PUM1: variants seen among roughly 807,000 people sequenced by gnomAD.
PUM1 encodes the protein pumilio homolog 1.
PUM1 carries 13 observed loss-of-function variants against 131.8 expected under a neutral mutation model. The ratio of observed to expected loss-of-function variants is 0.10; its 90% CI spans 0.06 to 0.16. The LOEUF is 0.16. Among genes scored for constraint, PUM1 ranks in the 10% least tolerant of loss-of-function variants. The pLI is 1.00. For missense variants in PUM1, 961 were observed against 1,512.4 expected, an observed-to-expected ratio of 0.64 and a Z score of 6.05; for synonymous variants, 509 against 556.5, an observed-to-expected ratio of 0.91 and a Z score of 1.20.
intron 5 of PUM1, among the ~76,000 whole-genome samples, chr1:30,996,217 A>G (rs1641974728): frequency 6.6e-6 from 1 of 152,206 alleles, no homozygotes; most frequent in Non-Finnish European, 1.5e-5. Context: ...TTTCCCCACG[A>G]CTGACTCCTG....
At chr1:30,989,571 CAAAAAAAAAAAA>C (rs1174565063) in intron 7 of PUM1, among the ~76,000 whole-genome samples, 42 of 27,694 alleles carry the variant, frequency 1.5e-3, no homozygotes, top group South Asian at 9.8e-3. Context: ...GACTCCGTCT[CAAAAAAAAAAAA>C]AAAAAAAAAA....
chr1:31,028,972 C>T, intron 2 of PUM1, 108 bp from the exon 3 acceptor site: 1 of 855,850 alleles, frequency 1.2e-6, no homozygotes, highest in Admixed American at 1.8e-5. Flanking sequence ...CAGACATTGG[C>T]AAAGACAATA....
intron 15 of PUM1, among the ~76,000 whole-genome samples, chr1:30,952,685 GGGGGGGGGC>G (rs1639990290): frequency 2.6e-5 from 1 of 38,272 alleles, no homozygotes; most frequent in Admixed American, 2.0e-4. Flanking sequence ...GGGGGGGGCG[GGGGGGGGGC>G]GGGAGGGGCA....
At chr1:31,036,260 T>G (rs886965735) in intron 2 of PUM1, among the ~76,000 whole-genome samples, 5 of 152,054 alleles carry the variant, frequency 3.3e-5, no homozygotes, top group Non-Finnish European at 5.9e-5. Context: ...TTAGTAGAGA[T>G]GGGGTTTCAC....
chr1:31,028,966 C>A, intron 2 of PUM1, 102 bp from the exon 3 acceptor site: 1 of 918,384 alleles, frequency 1.1e-6, no homozygotes, highest in Admixed American at 1.8e-5. Flanking sequence ...TACTTTCAGA[C>A]ATTGGCAAAG....
chr1:31,065,651 C>A lies in PUM1; in HGVS notation c.-47G>T. The A allele has an allele frequency of 6.5e-7, 1 of 1,549,592 alleles. No homozygotes were observed. Among genetic ancestry groups the A allele is most frequent in the Non-Finnish European group, 8.7e-7 (1 of 1,146,828 alleles). On this transcript the variant is annotated 5_prime_UTR_variant, in exon 1 of 22. Transcript: ENST00000426105. The stretch of plus-strand genomic sequence containing the variant: ...GTAGGATGAAGATGGATTTCAGCCC[C>A]CCGATCTTCTCTCTCTGGCGCTCTC...
intron 5 of PUM1, 119 bp downstream of exon 5, chr1:31,005,734 T>G: frequency 2.1e-6 from 2 of 957,680 alleles, no homozygotes. Context: ...TACCCTGTAA[T>G]TAATGCTGTG....
At chr1:31,014,429 G>A (rs937455541) in intron 3 of PUM1, among the ~76,000 whole-genome samples, 1 of 151,800 alleles carries the variant, frequency 6.6e-6, no homozygotes, top group Admixed American at 6.6e-5. Flanking sequence ...AGGGTCACTT[G>A]AGGAGTTCAA....
At chr1:31,015,218 G>A (rs1232080249) in intron 3 of PUM1, among the ~76,000 whole-genome samples, 2 of 152,258 alleles carry the variant, frequency 1.3e-5, no homozygotes, top group East Asian at 1.9e-4. Context: ...ATATACTTTT[G>A]TTATGATTTT....
chr1:30,968,525 T>C, intron 10 of PUM1, 33 bp from the exon 11 acceptor site: 1 of 1,581,248 alleles, frequency 6.3e-7, no homozygotes, highest in South Asian at 1.2e-5. Flanking sequence ...ACTCAACCAC[T>C]TTCTTTTCAT....
chr1:31,054,499 G>A (rs1187096842), intron 2 of PUM1, among the ~76,000 whole-genome samples: 1 of 132,952 alleles, frequency 7.5e-6, no homozygotes, highest in Admixed American at 8.7e-5. Flanking sequence ...CTGCCAATTC[G>A]ATCTCAAACT....
At position 30,932,406 on chromosome 1, in the gene PUM1, T is replaced by C. The variant is rs571785198; in HGVS notation, c.*805A>G. On this transcript the variant is annotated 3_prime_UTR_variant, in exon 22 of 22. Transcript: ENST00000426105. ...GCAAGACCAAAAGCAGAGTTGGATT[T>C]TTTTTTCTCATGCTAAATAATCAGA... 1 of 152,176 alleles carries C rather than the reference T, an allele frequency of 6.6e-6. No individual in the cohort carries two copies. The highest frequency in any genetic ancestry group is 1.5e-5 in the Non-Finnish European group (1 of 67,984). The allele number at this position is 152,176 out of a possible 1,614,324, so 9.4% of individuals were successfully genotyped here.
At chr1:30,965,193 T>C (rs1640570566) in intron 13 of PUM1, among the ~76,000 whole-genome samples, 1 of 152,094 alleles carries the variant, frequency 6.6e-6, no homozygotes, top group Non-Finnish European at 1.5e-5. Context: ...ACATGAACTA[T>C]GGAAAAGGTG....
At chr1:31,007,163 C>A in intron 3 of PUM1, 61 bp from the exon 4 acceptor site, 1 of 1,286,322 alleles carries the variant, frequency 7.8e-7, no homozygotes, top group Non-Finnish European at 1.1e-6. Context: ...GTACAGCAGT[C>A]AACACTTTCT....
In PUM1 at chr1:31,007,011, C is replaced by A. The variant is rs772783920; in HGVS notation, c.524G>T (p.Ser175Ile). ...TAGATTACCTGATGTTCCCCAGGCA[C>A]TGTCTCGCCATTGATCACCCAGGAA... ...GIFLGDQWRD[S>I]AWGTSDHSVS... Residue 175 changes from serine (S) to isoleucine (I), a missense_variant, in exon 4 of 22, where the codon AGT (serine) becomes ATT (isoleucine). Ser to Ile is a moderately radical substitution (Grantham distance 142). Around this residue, in one of 4 missense-constraint regions of PUM1, gnomAD observed 654 missense variants for 923.9 expected, o/e 0.71. Coordinates refer to ENST00000426105, the MANE Select transcript of PUM1 (RefSeq NM_001020658.2). 1 of 1,613,610 alleles carries A rather than the reference C, an allele frequency of 6.2e-7. No individual in the cohort carries two copies.
intron 3 of PUM1, among the ~76,000 whole-genome samples, chr1:31,013,756 T>C (rs1642706832): frequency 1.3e-5 from 1 of 79,236 alleles, no homozygotes; most frequent in South Asian, 3.6e-4. Flanking sequence ...TCACAGGTGG[T>C]AGTCTTACTT....
At chr1:30,941,377 A>T (rs1041555065) in intron 19 of PUM1, 105 bp from the exon 20 acceptor site, 19 of 1,225,682 alleles carry the variant, frequency 1.6e-5, no homozygotes, top group Non-Finnish European at 2.0e-5. Context: ...TTACCACCAT[A>T]ACGGTTTATA....
intron 7 of PUM1, among the ~76,000 whole-genome samples, chr1:30,991,781 A>T (rs544861329): frequency 6.6e-6 from 1 of 152,376 alleles, no homozygotes; most frequent in East Asian, 1.9e-4. Context: ...CTTCAAAAAC[A>T]GAAGGTAGAC....
intron 2 of PUM1, among the ~76,000 whole-genome samples, chr1:31,057,724 C>CAAAAAAAAAAAAA (rs58490041): frequency 2.8e-5 from 2 of 72,482 alleles, no homozygotes; most frequent in African/African-American, 5.9e-5. Flanking sequence ...GACTCCATCT[C>CAAAAAAAAAAAAA]AAAAAAAAAA....
Sources: allele counts gnomAD v4.1 joint callset (sites outside exome capture counted in the v4.1 genomes callset), GRCh38; gene constraint gnomAD v4.1.1; regional missense constraint gnomAD v4.1.1; transcripts MANE v1.5; gene names NCBI Gene and HGNC (gene_info 2026-07-23, HGNC 2026-07-21).